The following KALRN variants were observed in gnomAD, a reference collection of about 807,000 sequenced individuals.
The protein encoded by KALRN is kalirin.
Under a neutral mutation model 353.7 loss-of-function variants are expected in KALRN, and 70 were observed. That is an observed-to-expected ratio of 0.20 (90% CI 0.16 to 0.24). The LOEUF (loss-of-function observed/expected upper bound fraction) is 0.24. Ranked by LOEUF, KALRN falls within the 10% of genes least tolerant of loss-of-function variation. The pLI, the probability that KALRN is intolerant of heterozygous loss-of-function variation, is 1.00. For synonymous variants in KALRN, 1,391 were observed against 1,434.8 expected (o/e 0.97, Z 0.69); for missense variants, 2,791 against 3,756.7 (o/e 0.74, Z 6.72).
chr3:124,434,933 G>C (rs2150506359), intron 17 of KALRN, among the ~76,000 whole-genome samples: 1 of 152,326 alleles, frequency 6.6e-6, no homozygotes. Context: ...GGCTGAACTT[G>C]GTAGAACTAG....
In KALRN at chr3:124,721,630, T is replaced by C. The variant is rs1040764856; in HGVS notation, c.*2160T>C. On this transcript the variant is annotated 3_prime_UTR_variant, in exon 60 of 60. Transcript: ENST00000682506. ...AAACAGTTTACTAAAACCCTTTCAATAAACATGTCTTCATTATGGTATACA... is the reference window on the plus strand; with the variant it reads ...AAACAGTTTACTAAAACCCTTTCAACAAACATGTCTTCATTATGGTATACA... The C allele has an allele frequency of 1.3e-5, 2 of 152,160 alleles. No homozygotes were observed. Among genetic ancestry groups the C allele is most frequent in the African/African-American group, 4.8e-5 (2 of 41,442 alleles). 9.4% of individuals were successfully genotyped at this position (152,160 alleles called of 1,614,324 possible).
chr3:124,155,367 C>T (rs573280919), intron 1 of KALRN, among the ~76,000 whole-genome samples: 1 of 152,226 alleles, frequency 6.6e-6, no homozygotes, highest in Admixed American at 6.5e-5. Flanking sequence ...CACAATGTCA[C>T]CTTTGTCTTA....
chr3:124,528,920 G>A (rs562653611), intron 33 of KALRN, among the ~76,000 whole-genome samples: 2 of 151,860 alleles, frequency 1.3e-5, no homozygotes, highest in African/African-American at 2.4e-5. Context: ...CAGCAGGGGG[G>A]GCTCTAAACA....
chr3:124,463,272 T>C (rs754863258), intron 25 of KALRN, among the ~76,000 whole-genome samples: 8 of 152,220 alleles, frequency 5.3e-5, no homozygotes, highest in Non-Finnish European at 8.8e-5. Context: ...TAGAAATAAC[T>C]GTGTTTCCAA....
rs1553707031 is a variant in KALRN, at chr3:124,642,806, G to GTTTTTTTTTTGTTGTTGTTTTTTTTTT, written c.5664+5513_5664+5514insGTTGTTGTTTTTTTTTTTTTTTTTTTT. Among the ~76,000 whole-genome samples, 458 of 96,786 alleles carry GTTTTTTTTTTGTTGTTGTTTTTTTTTT rather than the reference G, an allele frequency of 4.7e-3. 14 individuals are homozygous for GTTTTTTTTTTGTTGTTGTTTTTTTTTT. The highest frequency in any genetic ancestry group is 0.013 in the East Asian group (28 of 2,100). The allele number at this position is 96,786 out of a possible 152,430, so 63.5% of individuals were successfully genotyped here. On this transcript the variant is annotated intron_variant, in intron 37 of 59. Transcript: ENST00000682506. ...TCTGTGGAAGAGATTCCCAAGCCTC[G>GTTTTTTTTTTGTTGTTGTTTTTTTTTT]TTTTTTTTTTTTTTTTTTTTGAGAC...
chr3:124,329,716 A>G, intron 7 of KALRN, 145 bp from the exon 8 acceptor site: 1 of 840,662 alleles, frequency 1.2e-6, no homozygotes, highest in Admixed American at 2.6e-5. Flanking sequence ...CATAGAATTA[A>G]AAAAACTCTA....
intron 15 of KALRN, among the ~76,000 whole-genome samples, chr3:124,426,172 G>A (rs937793161): frequency 1.5e-4 from 23 of 152,088 alleles, no homozygotes; most frequent in Non-Finnish European, 2.2e-4. Context: ...CTTAGGGAGC[G>A]CTTTGATCCA....
chr3:124,333,669 C>A (rs1170497150), intron 8 of KALRN, among the ~76,000 whole-genome samples: 17 of 152,086 alleles, frequency 1.1e-4, no homozygotes, highest in Admixed American at 1.1e-3. Context: ...GGGCGGATCA[C>A]CTGAGGTTAG....
At chr3:124,161,935 A>G (rs2070031280) in intron 1 of KALRN, among the ~76,000 whole-genome samples, 1 of 152,236 alleles carries the variant, frequency 6.6e-6, no homozygotes. Flanking sequence ...GTTTTACTTC[A>G]TCACAAAATA....
At chr3:124,674,890 A>T in intron 49 of KALRN, 1 of 326,160 alleles carries the variant, frequency 3.1e-6, no homozygotes, top group Non-Finnish European at 5.5e-6. Flanking sequence ...CCCCACATTC[A>T]TTAAGAACCC....
chr3:124,491,215 C>T (rs2063129362), intron 30 of KALRN, 108 bp from the exon 31 acceptor site: 13 of 655,998 alleles, frequency 2.0e-5, no homozygotes, highest in South Asian at 2.3e-5. Context: ...TGACAGAAGC[C>T]CCTCCCTCGG....
At chr3:124,566,590 A>G (rs905023106) in intron 34 of KALRN, among the ~76,000 whole-genome samples, 2 of 151,830 alleles carry the variant, frequency 1.3e-5, no homozygotes, top group Non-Finnish European at 2.9e-5. Flanking sequence ...AAGTGTGTGC[A>G]GTTATGCACA....
intron 5 of KALRN, among the ~76,000 whole-genome samples, chr3:124,272,157 G>T (rs1014113236): frequency 6.6e-6 from 1 of 152,046 alleles, no homozygotes; most frequent in African/African-American, 2.4e-5. Flanking sequence ...TAAATTAAAC[G>T]TTAAAAATAA....
At chr3:124,701,563 T>C (rs923932633) in intron 56 of KALRN, among the ~76,000 whole-genome samples, 42 of 151,952 alleles carry the variant, frequency 2.8e-4, no homozygotes, top group Admixed American at 5.9e-4. Context: ...AGTTTTTGAT[T>C]TTTTTGTAGA....
At chr3:124,581,630 A>G (rs2074641564) in intron 34 of KALRN, among the ~76,000 whole-genome samples, 1 of 152,188 alleles carries the variant, frequency 6.6e-6, no homozygotes, top group Non-Finnish European at 1.5e-5. Context: ...TTGAGTAAAA[A>G]ACAAACTGGT....
chr3:124,228,232 G>T (rs1349323147), intron 2 of KALRN, among the ~76,000 whole-genome samples, 168 bp downstream of exon 2: 1 of 152,132 alleles, frequency 6.6e-6, no homozygotes, highest in African/African-American at 2.4e-5. Context: ...AGAAAGGAGG[G>T]CTCTGGCCCC....
intron 10 of KALRN, among the ~76,000 whole-genome samples, chr3:124,366,272 T>C: frequency 6.7e-6 from 1 of 148,546 alleles, no homozygotes; most frequent in East Asian, 2.0e-4. Context: ...GCCAGGGTCA[T>C]GGGACAATAG....
At position 124,252,981 on chromosome 3, in the gene KALRN, A is replaced by T. The variant is rs1055209575; in HGVS notation, c.264-11517A>T. ...TCTCTGTAAGACACTGTCTCATCCA[A>T]TATTCTCTTTACTACTTCTGATTAT... On this transcript the variant is annotated intron_variant, in intron 3 of 59. Transcript: ENST00000682506. Among the ~76,000 whole-genome samples the T allele has an allele frequency of 2.6e-5, 4 of 152,200 alleles. 1 individual carries two copies. The highest frequency in any genetic ancestry group is 9.7e-5 in the African/African-American group (4 of 41,446).
rs141944047 is a variant in KALRN, at chr3:124,086,814, C to T, written c.73+53001C>T. On this transcript the variant is annotated intron_variant, in intron 1 of 59. Transcript: ENST00000682506. Reference sequence around the variant, plus strand: ...TAGGTAACCATCAGTATTAGTTTCTCGGGAACCCTCCCAGTATCTCTTTTT... The same window carrying T: ...TAGGTAACCATCAGTATTAGTTTCTTGGGAACCCTCCCAGTATCTCTTTTT... Among the ~76,000 whole-genome samples the T allele has an allele frequency of 5.9e-3, 891 of 152,262 alleles. 19 individuals are homozygous for T. The highest frequency in any genetic ancestry group is 0.057 in the East Asian group (296 of 5,180).
Sources: gnomAD v4.1 joint callset for allele counts (sites outside exome capture counted in the v4.1 genomes callset) on GRCh38, gnomAD v4.1.1 for gene constraint, MANE v1.5 for transcripts, NCBI Gene and HGNC (gene_info 2026-07-23, HGNC 2026-07-21) for gene names.